The following ALG5 variants were observed in gnomAD, a reference collection of about 807,000 sequenced individuals.
ALG5 encodes the protein ALG5 dolichyl-phosphate beta-glucosyltransferase.
ALG5 carries 26 observed loss-of-function variants against 51.8 expected under a neutral mutation model. That is an observed-to-expected ratio of 0.50 (90% CI 0.37 to 0.70). ALG5 has a LOEUF of 0.70. Among genes scored for constraint, ALG5 ranks in the 30% least tolerant of loss-of-function variants. The pLI is 0.00. For synonymous variants in ALG5, 141 were observed against 136.1 expected (o/e 1.04, Z -0.25); for missense variants, 311 against 399.3 (o/e 0.78, Z 1.88).
At chr13:36,980,937 G>C (rs1379485831) in intron 6 of ALG5, among the ~76,000 whole-genome samples, 1 of 152,092 alleles carries the variant, frequency 6.6e-6, no homozygotes, top group Non-Finnish European at 1.5e-5. Flanking sequence ...TTGAGCCACT[G>C]CACTCCAACC....
chr13:36,961,839 T>C (rs1165577697), intron 8 of ALG5, among the ~76,000 whole-genome samples: 2 of 152,218 alleles, frequency 1.3e-5, no homozygotes, highest in Non-Finnish European at 2.9e-5. Flanking sequence ...TGGAGTGCAG[T>C]GGCGTGATCT....
chr13:36,967,425 A>C lies in ALG5; in HGVS notation c.622-1699T>G, dbSNP rs182988187. Among the ~76,000 whole-genome samples the C allele has an allele frequency of 2.3e-3, 345 of 152,254 alleles. 2 individuals are homozygous for C. The highest frequency in any genetic ancestry group is 7.8e-3 in the African/African-American group (326 of 41,550). On this transcript the variant is annotated intron_variant, in intron 7 of 9. Transcript: ENST00000239891. ...GGATTAAATGAGATTATTTTAAAGA[A>C]TATAGCGAAGTGTTTGGCACAGAAA... is the stretch of plus-strand genomic sequence containing the variant.
intron 8 of ALG5, among the ~76,000 whole-genome samples, chr13:36,957,529 T>C (rs1056036961): frequency 4.6e-5 from 7 of 152,236 alleles, no homozygotes; most frequent in Admixed American, 2.0e-4. Flanking sequence ...ACACTGCGCC[T>C]GGAGGCCACA....
At chr13:36,984,808 C>T (rs932991905) in intron 6 of ALG5, among the ~76,000 whole-genome samples, 1 of 152,018 alleles carries the variant, frequency 6.6e-6, no homozygotes, top group Non-Finnish European at 1.5e-5. Context: ...TACTTGGGTT[C>T]CCTGGTCTTG....
chr13:36,995,037 T>C lies in ALG5; in HGVS notation c.239-2A>G, dbSNP rs772394331. ...GAGCTTCATCCATCATCACAGGCACTTGAAGAAAAAAATATATTAAAAATC... is the reference window on the plus strand; with the variant it reads ...GAGCTTCATCCATCATCACAGGCACCTGAAGAAAAAAATATATTAAAAATC... On this transcript the variant is annotated splice_acceptor_variant, in intron 2 of 9. Transcript: ENST00000239891. LOFTEE classifies it high-confidence loss of function. The C allele has an allele frequency of 1.2e-6, 2 of 1,612,612 alleles. No homozygotes were observed. Among genetic ancestry groups the C allele is most frequent in the Non-Finnish European group, 1.7e-6 (2 of 1,178,996 alleles).
At chr13:36,992,469 C>T (rs1486104808) in intron 4 of ALG5, among the ~76,000 whole-genome samples, 4 of 152,190 alleles carry the variant, frequency 2.6e-5, no homozygotes, top group Non-Finnish European at 4.4e-5. Context: ...GAAAAGCTCC[C>T]TCTAGAGTAT....
intron 6 of ALG5, among the ~76,000 whole-genome samples, chr13:36,977,049 T>C (rs1231536203): frequency 1.3e-5 from 2 of 152,234 alleles, no homozygotes; most frequent in African/African-American, 4.8e-5. Context: ...CAAAAAACTT[T>C]CTTTTACAAA....
At chr13:36,976,580 T>C (rs2058952484) in intron 6 of ALG5, among the ~76,000 whole-genome samples, 1 of 152,024 alleles carries the variant, frequency 6.6e-6, no homozygotes. Context: ...AAACCTCATT[T>C]CTACTAAAAA....
intron 7 of ALG5, among the ~76,000 whole-genome samples, chr13:36,966,580 G>A (rs1003860497): frequency 6.6e-6 from 1 of 152,158 alleles, no homozygotes; most frequent in Non-Finnish European, 1.5e-5. Flanking sequence ...TGTGGTCATG[G>A]TTCACTGCAG....
chr13:36,951,227 G>A (rs910260237), intron 9 of ALG5, among the ~76,000 whole-genome samples: 2 of 152,050 alleles, frequency 1.3e-5, no homozygotes, highest in African/African-American at 4.8e-5. Context: ...TTCCCATAGA[G>A]TCTAGGTTGG....
At chr13:36,989,946 C>T (rs1281305696) in intron 4 of ALG5, among the ~76,000 whole-genome samples, 1 of 152,204 alleles carries the variant, frequency 6.6e-6, no homozygotes, top group Non-Finnish European at 1.5e-5. Context: ...TGATTGGGCC[C>T]TTAACACTGG....
chr13:36,964,973 G>A (rs188504396), intron 8 of ALG5, among the ~76,000 whole-genome samples: 57 of 152,056 alleles, frequency 3.7e-4, no homozygotes, highest in Admixed American at 3.3e-3. Flanking sequence ...AAGAAGGTGG[G>A]GTGAGGAGTG....
chr13:36,993,504 C>A, intron 4 of ALG5, 100 bp downstream of exon 4: 2 of 985,934 alleles, frequency 2.0e-6, no homozygotes, highest in Non-Finnish European at 1.6e-6. Context: ...GTGTTAGGCA[C>A]AGCTTTAGGG....
At chr13:36,975,295 A>T (rs2058945409) in intron 6 of ALG5, among the ~76,000 whole-genome samples, 2 of 151,700 alleles carry the variant, frequency 1.3e-5, no homozygotes, top group Non-Finnish European at 1.5e-5. Context: ...ACCTCTTTAA[A>T]TTTTTTTCTT....
intron 9 of ALG5, among the ~76,000 whole-genome samples, chr13:36,951,339 T>A (rs765369649): frequency 3.9e-5 from 6 of 152,212 alleles, no homozygotes; most frequent in Non-Finnish European, 8.8e-5. Flanking sequence ...ACTGTGGAGA[T>A]GAGCTAAGAT....
chr13:36,964,794 G>A lies in ALG5; in HGVS notation c.773+781C>T, dbSNP rs773628801. Among the ~76,000 whole-genome samples, 6 of 151,888 alleles carry A rather than the reference G, an allele frequency of 4.0e-5. 1 individual carries two copies. The highest frequency in any genetic ancestry group is 1.2e-4 in the African/African-American group (5 of 41,372). ...ACAAAAACTAGCTGGGTGTGGTAGCGCCCACCTGTAATCCCAGCTACTTGG... is the reference window on the plus strand; with the variant it reads ...ACAAAAACTAGCTGGGTGTGGTAGCACCCACCTGTAATCCCAGCTACTTGG... On this transcript the variant is annotated intron_variant, in intron 8 of 9. Transcript: ENST00000239891.
intron 8 of ALG5, among the ~76,000 whole-genome samples, chr13:36,960,667 C>G (rs887109757): frequency 1.3e-5 from 2 of 150,748 alleles, no homozygotes; most frequent in African/African-American, 4.9e-5. Context: ...CATGTGCCAC[C>G]ACGCCTAGCT....
chr13:36,951,646 C>T (rs1316444129), intron 9 of ALG5, among the ~76,000 whole-genome samples: 1 of 152,066 alleles, frequency 6.6e-6, no homozygotes, highest in African/African-American at 2.4e-5. Flanking sequence ...CTGTCTAAGC[C>T]TTTTAAAATA....
chr13:36,970,869 C>G (rs938006467), intron 7 of ALG5, among the ~76,000 whole-genome samples: 1 of 152,138 alleles, frequency 6.6e-6, no homozygotes, highest in African/African-American at 2.4e-5. Context: ...CAAGATTGCG[C>G]CACTGCACTG....
Sources: allele counts gnomAD v4.1 joint callset (sites outside exome capture counted in the v4.1 genomes callset), GRCh38; gene constraint gnomAD v4.1.1; transcripts MANE v1.5; gene names NCBI Gene and HGNC (gene_info 2026-07-23, HGNC 2026-07-21).